The following KRABD3 variants were observed in gnomAD, a reference collection of about 807,000 sequenced individuals.
KRABD3 encodes the protein KRAB domain-containing protein 3.
chr7:149,725,338 C>T, the KRABD3 span: 1 of 1,596,732 alleles, frequency 6.3e-7, no homozygotes, highest in African/African-American at 1.3e-5. Flanking sequence ...AAGCTCACCG[C>T]TGGAAGCCCT....
chr7:149,724,348 C>T, the KRABD3 span, among the ~76,000 whole-genome samples: 5 of 152,142 alleles, frequency 3.3e-5, no homozygotes, highest in Admixed American at 3.3e-4. Flanking sequence ...CAGAACAAAG[C>T]CCTGAGCAGC....
At chr7:149,721,668 TA>T in the KRABD3 span, 1 of 1,033,480 alleles carries the variant, frequency 9.7e-7, no homozygotes, top group Non-Finnish European at 1.5e-6. Context: ...GTTCTTTTGT[TA>T]ACAAAGTACG....
chr7:149,720,506 G>A, the KRABD3 span, among the ~76,000 whole-genome samples: 5 of 152,382 alleles, frequency 3.3e-5, no homozygotes, highest in South Asian at 2.1e-4. Flanking sequence ...CATTTAGGGG[G>A]TGCCAGGAAA....
At chr7:149,734,318 G>A in the KRABD3 span, 16 of 483,878 alleles carry the variant, frequency 3.3e-5, no homozygotes, top group South Asian at 2.2e-4. Context: ...CACTGGAGCC[G>A]CCCAAGCTTG....
the KRABD3 span, chr7:149,729,404 C>G: frequency 7.2e-7 from 1 of 1,387,872 alleles, no homozygotes; most frequent in Non-Finnish European, 9.4e-7. Flanking sequence ...ACTGACAGCC[C>G]CACTTCAGTT....
chr7:149,721,020 G>A, the KRABD3 span: 1 of 1,610,058 alleles, frequency 6.2e-7, no homozygotes, highest in Non-Finnish European at 8.5e-7. Context: ...AGTGCACGCA[G>A]CCTCCTCTGC....
At chr7:149,730,678 G>A in the KRABD3 span, 2 of 1,334,252 alleles carry the variant, frequency 1.5e-6, 1 homozygote, top group South Asian at 2.7e-5. Flanking sequence ...TTGCCAGGGA[G>A]TCCTGCACAT....
At chr7:149,717,508 G>A in the KRABD3 span, among the ~76,000 whole-genome samples, 2 of 152,254 alleles carry the variant, frequency 1.3e-5, no homozygotes, top group Non-Finnish European at 2.9e-5. Context: ...GAGAAGTTTT[G>A]GAGGGTGTCT....
At chr7:149,723,816 G>C in the KRABD3 span, 5 of 1,613,984 alleles carry the variant, frequency 3.1e-6, no homozygotes, top group East Asian at 8.9e-5. Context: ...CCCAGGACAG[G>C]CATCCCAGTC....
the KRABD3 span, chr7:149,722,731 C>T: frequency 1.6e-5 from 25 of 1,543,014 alleles, no homozygotes; most frequent in South Asian, 1.3e-4. Flanking sequence ...CCAGCGCTCC[C>T]GGTGTCCCGT....
chr7:149,722,275 G>C, the KRABD3 span: 1 of 1,077,952 alleles, frequency 9.3e-7, no homozygotes, highest in Non-Finnish European at 1.3e-6. Context: ...AGTTAAACCA[G>C]AAAGAAACGG....
the KRABD3 span, chr7:149,724,860 A>G: frequency 6.5e-7 from 1 of 1,548,784 alleles, no homozygotes. Flanking sequence ...GTGAGGCCTG[A>G]GATTGGCTGC....
the KRABD3 span, chr7:149,730,382 A>T: frequency 6.4e-7 from 1 of 1,556,590 alleles, no homozygotes; most frequent in South Asian, 1.2e-5. Context: ...GATGTGTGCC[A>T]GGGCGCCAGT....
chr7:149,723,881 G>A, the KRABD3 span: 1 of 1,613,320 alleles, frequency 6.2e-7, no homozygotes, highest in African/African-American at 1.3e-5. Context: ...TGGAAAAGGG[G>A]TTCTGGAGGT....
the KRABD3 span, chr7:149,721,404 C>A: frequency 1.2e-6 from 2 of 1,608,356 alleles, no homozygotes; most frequent in African/African-American, 1.3e-5. Flanking sequence ...GAGCCCTGCC[C>A]TCTCCGAGGC....
At chr7:149,730,705 C>A in the KRABD3 span, 2 of 1,109,880 alleles carry the variant, frequency 1.8e-6, no homozygotes, top group Non-Finnish European at 2.5e-6. Context: ...TGCTTTAGTT[C>A]CCTGTAAGGT....
At chr7:149,725,991 TCCAGCAG>T in the KRABD3 span, 1 of 1,612,004 alleles carries the variant, frequency 6.2e-7, no homozygotes, top group East Asian at 2.2e-5. Flanking sequence ...CTTCTCCTCA[TCCAGCAG>T]CACCGACTGG....
the KRABD3 span, chr7:149,725,837 C>G: frequency 6.8e-7 from 1 of 1,463,592 alleles, no homozygotes; most frequent in South Asian, 1.4e-5. Flanking sequence ...GCCCAGGAGT[C>G]TCTTCTCCAG....
At chr7:149,733,216 T>C in the KRABD3 span, 2 of 1,603,800 alleles carry the variant, frequency 1.2e-6, no homozygotes, top group East Asian at 4.5e-5. Flanking sequence ...CCAAGACCCA[T>C]GAGAGGCTGC....
Sources: allele counts gnomAD v4.1 joint callset (sites outside exome capture counted in the v4.1 genomes callset), GRCh38; gene constraint gnomAD v4.1.1; transcripts MANE v1.5; gene names NCBI Gene and HGNC (gene_info 2026-07-23, HGNC 2026-07-21).